Variants in ANO7 observed in about 807,000 individuals in gnomAD.
ANO7 encodes anoctamin 7.
A neutral mutation model predicts 115.8 loss-of-function variants in ANO7; 114 were observed. That is an observed-to-expected ratio of 0.98 (90% CI 0.85 to 1.15). The LOEUF is 1.15. ANO7 is among the 50% of genes most tolerant of loss of function. The probability of loss-of-function intolerance (pLI) is 0.00; values close to 1 mark genes in which losing one functional copy is unlikely to be tolerated. For missense variants in ANO7, 1,302 were observed against 1,201.2 expected, an observed-to-expected ratio of 1.08 and a Z score of -1.24; for synonymous variants, 550 against 498.2, an observed-to-expected ratio of 1.10 and a Z score of -1.38.
the ANO7 span, chr2:241,231,189 A>G: frequency 2.3e-6 from 1 of 431,054 alleles, no homozygotes; most frequent in South Asian, 2.8e-5. Context: ...ATTCGTGACC[A>G]GCCTGACCAA....
chr2:241,212,337 G>A, intron 16 of ANO7, 132 bp downstream of exon 16: 7 of 972,466 alleles, frequency 7.2e-6, no homozygotes, highest in Non-Finnish European at 1.1e-5. Flanking sequence ...GACCCAGGCA[G>A]GGGACAGGGG....
the ANO7 span, chr2:241,239,737 C>T: frequency 3.1e-6 from 5 of 1,614,230 alleles, no homozygotes; most frequent in African/African-American, 1.3e-5. The surrounding 1 kb of genome is among the most constrained non-coding windows in gnomAD (Gnocchi z 4.6). Flanking sequence ...CTTCAGCAAT[C>T]TCCCGCAAGA....
rs1198845105 is a variant in ANO7 at position 241,217,910 on chromosome 2, C to CGCGGG, written c.2178+31_2178+35dup. 2 of 1,335,304 alleles carry CGCGGG rather than the reference C, an allele frequency of 1.5e-6. No individual in the cohort carries two copies. Among genetic ancestry groups the CGCGGG allele is most frequent in the East Asian group, 6.1e-5 (2 of 32,580 alleles). 82.7% of individuals were successfully genotyped at this position (1,335,304 alleles called of 1,614,324 possible). ...CAGCAACGTGAGGCCCGGGCGGGAG[C>CGCGGG]GCGGGGCGGGGCGGGGGCGCGCAGG... On this transcript the variant is annotated intron_variant, in intron 20 of 24. Transcript: ENST00000674324.
the ANO7 span, chr2:241,239,576 C>T: frequency 1.9e-6 from 3 of 1,598,910 alleles, no homozygotes; most frequent in African/African-American, 1.3e-5. This position sits in a 1 kb window ranked among gnomAD's most constrained non-coding sequence, Gnocchi z 4.6. Flanking sequence ...GGGTGAGAAC[C>T]CCTCCCCGAG....
chr2:241,226,526 G>A (rs988742976), downstream of ANO7, among the ~76,000 whole-genome samples: 9 of 151,788 alleles, frequency 5.9e-5, no homozygotes, highest in Non-Finnish European at 1.0e-4. Context: ...CCGGGTTCAC[G>A]CCATTCTCCT....
In ANO7 at chr2:241,189,872, C is replaced by T. The variant is rs946539773; in HGVS notation, c.-7-185C>T. Among the ~76,000 whole-genome samples the T allele has an allele frequency of 3.3e-5, 5 of 152,126 alleles. No individual in the cohort carries two copies. The East Asian group carries it at 5.8e-4, about 18-fold the overall frequency. On this transcript the variant is annotated intron_variant, in intron 1 of 24. Transcript: ENST00000674324. The stretch of plus-strand genomic sequence containing the variant: ...CCGGCACTGGTTTCTTCCTGGAGCT[C>T]GTGGCTGGCTAGGGGGTTCTCCATG...
chr2:241,230,064 G>A, downstream of ANO7: 1 of 1,579,886 alleles, frequency 6.3e-7, no homozygotes, highest in Non-Finnish European at 8.7e-7. This position sits in a 1 kb window ranked among gnomAD's most constrained non-coding sequence, Gnocchi z 5.0. Flanking sequence ...AAACACAAGT[G>A]CCACCTTGTC....
At chr2:241,189,141 G>T (rs571110222) in intron 1 of ANO7, among the ~76,000 whole-genome samples, 29 of 152,294 alleles carry the variant, frequency 1.9e-4, no homozygotes, top group Admixed American at 1.1e-3. Context: ...ACTCCTCGGG[G>T]ACTTTCCTCC....
In ANO7 at chr2:241,209,975, T is replaced by C. The variant is rs192463577; in HGVS notation, c.1360-320T>C. 3.4e-3 allele frequency among the ~76,000 whole-genome samples: 512 copies of C among 152,254 alleles called. 4 individuals are homozygous for C. The highest frequency in any genetic ancestry group is 0.012 in the African/African-American group (482 of 41,562). On this transcript the variant is annotated intron_variant, in intron 13 of 24. Transcript: ENST00000674324. ...CCTTCCAGCCAAAGGGGCTTCCTAA[T>C]AGGACCTCTCACTCCCCTGCCAAGA...
downstream of ANO7, among the ~76,000 whole-genome samples, chr2:241,226,583 C>A (rs1297658165): frequency 6.6e-6 from 1 of 152,118 alleles, no homozygotes; most frequent in Admixed American, 6.5e-5. Flanking sequence ...CGCCACCACA[C>A]CCAGCTAATT....
Position 241,224,087 on chromosome 2 carries a change from C to A in ANO7, c.2584-10C>A. The A allele has an allele frequency of 6.2e-7, 1 of 1,614,102 alleles. No individual in the cohort carries two copies. Among genetic ancestry groups the A allele is most frequent in the South Asian group, 1.1e-5 (1 of 91,084 alleles). On this transcript the variant is annotated splice_polypyrimidine_tract_variant and intron_variant, in intron 24 of 24. Coordinates refer to ENST00000674324, the MANE Select transcript of ANO7 (RefSeq NM_001370694.2). ...GTCTGACTTGTCCCTGCCCCCAACC[C>A]TCTCCCCAGCTCAGCTCCCACTGGA... is the stretch of plus-strand genomic sequence containing the variant.
At position 241,217,707 on chromosome 2, in the gene ANO7, C is replaced by T; in HGVS notation, c.1994C>T (p.Thr665Ile). Residue 665 changes from threonine (T) to isoleucine (I), a missense_variant, in exon 20 of 25, where the codon ACC becomes ATC. By Grantham distance (89) the Thr-to-Ile change is moderately conservative (BLOSUM62 -1). Coordinates refer to ENST00000674324, the MANE Select transcript of ANO7 (RefSeq NM_001370694.2). ...LEMVLQFGFVTIFVAACPLAP... is the reference protein window; with the variant it reads ...LEMVLQFGFVIIFVAACPLAP... ...GCAGTGCTGCAGTTCGGCTTCGTCA[C>T]CATCTTCGTGGCCGCCTGTCCGCTC... 1 of 1,594,540 alleles carries T rather than the reference C, an allele frequency of 6.3e-7. No individual in the cohort carries two copies. The highest frequency in any genetic ancestry group is 8.5e-7 in the Non-Finnish European group (1 of 1,171,170).
At chr2:241,218,750 G>C (rs947437565) in intron 21 of ANO7, among the ~76,000 whole-genome samples, 1 of 152,206 alleles carries the variant, frequency 6.6e-6, no homozygotes, top group Non-Finnish European at 1.5e-5. Flanking sequence ...CGCCGAAAAA[G>C]AAATTCTTAG....
At chr2:241,206,561 G>GAC (rs2149196574) in intron 10 of ANO7, among the ~76,000 whole-genome samples, 2 of 33,730 alleles carry the variant, frequency 5.9e-5, no homozygotes, top group Non-Finnish European at 1.0e-4. Context: ...CTCCCAGGCT[G>GAC]ACAGGTGGAC....
chr2:241,219,467 C>T (rs1434446739), intron 21 of ANO7, among the ~76,000 whole-genome samples: 1 of 151,796 alleles, frequency 6.6e-6, no homozygotes, highest in Non-Finnish European at 1.5e-5. Flanking sequence ...TAAAAGTGTT[C>T]TGGTTGTTTT....
Position 241,194,179 on chromosome 2 carries a change from A to ATT in ANO7, c.167-1505_167-1504dup, listed in dbSNP as rs59855055. 8.6e-3 allele frequency among the ~76,000 whole-genome samples: 1,071 copies of ATT among 123,948 alleles called. 17 individuals are homozygous for ATT. The highest frequency in any genetic ancestry group is 0.025 in the African/African-American group (869 of 34,544). The allele number at this position is 123,948 out of a possible 152,430, so 81.3% of individuals were successfully genotyped here. On this transcript the variant is annotated intron_variant, in intron 3 of 24. Coordinates refer to ENST00000674324, the MANE Select transcript of ANO7 (RefSeq NM_001370694.2). The stretch of plus-strand genomic sequence containing the variant: ...CGTGAGCCACCGTACCTGGCCTTTA[A>ATT]TTTTTTTTTTTTTTTTTTTTGCTGC...
At chr2:241,213,652 G>T (rs1326102540) in intron 17 of ANO7, among the ~76,000 whole-genome samples, 1 of 152,216 alleles carries the variant, frequency 6.6e-6, no homozygotes, top group Non-Finnish European at 1.5e-5. Context: ...AGCTGGGGTC[G>T]CAGGCAGCAG....
chr2:241,208,298 T>G (rs1356394138), intron 11 of ANO7, among the ~76,000 whole-genome samples: 2 of 152,148 alleles, frequency 1.3e-5, no homozygotes, highest in African/African-American at 4.8e-5. Flanking sequence ...GGGGCCAGAG[T>G]CCAGAATCAA....
rs1050127796 is a variant in ANO7, at chr2:241,225,184, A to G, written c.*1031A>G. ...AAAAAATGGATCTGTGCTCATCTGTATTGATGTCCTTGGAGTTCTACAAGT... is the reference window on the plus strand; with the variant it reads ...AAAAAATGGATCTGTGCTCATCTGTGTTGATGTCCTTGGAGTTCTACAAGT... On this transcript the variant is annotated 3_prime_UTR_variant, in exon 25 of 25. Coordinates refer to ENST00000674324, the MANE Select transcript of ANO7 (RefSeq NM_001370694.2). 3 of 152,154 alleles carry G rather than the reference A, an allele frequency of 2.0e-5. No homozygotes were observed. Among genetic ancestry groups the G allele is most frequent in the Non-Finnish European group, 4.4e-5 (3 of 68,044 alleles). The allele number at this position is 152,154 out of a possible 1,614,324, so 9.4% of individuals were successfully genotyped here.
Sources: allele counts gnomAD v4.1 joint callset (sites outside exome capture counted in the v4.1 genomes callset), GRCh38; gene constraint gnomAD v4.1.1; non-coding constraint Gnocchi (gnomAD v3.1); transcripts MANE v1.5; gene names NCBI Gene and HGNC (gene_info 2026-07-23, HGNC 2026-07-21).